SLAIN1: variants seen among roughly 807,000 people sequenced by gnomAD.
SLAIN1 encodes the protein SLAIN motif-containing protein 1.
Under a neutral mutation model 55.4 loss-of-function variants are expected in SLAIN1, and 17 were observed. The observed-to-expected ratio is 0.31, with a 90% CI of 0.21 to 0.46. The LOEUF (loss-of-function observed/expected upper bound fraction) is 0.46. Ranked by LOEUF, SLAIN1 falls within the 20% of genes least tolerant of loss-of-function variation. The pLI is 1.00. For synonymous variants in SLAIN1, 348 were observed against 337.4 expected, an observed-to-expected ratio of 1.03 and a Z score of -0.35; for missense variants, 682 against 785.1, an observed-to-expected ratio of 0.87 and a Z score of 1.57.
At chr13:77,724,604 C>T (rs1393508647) in intron 2 of SLAIN1, among the ~76,000 whole-genome samples, 1 of 152,112 alleles carries the variant, frequency 6.6e-6, no homozygotes, top group Non-Finnish European at 1.5e-5. Context: ...TTAAGGGGGT[C>T]CTTTGTCAAT....
At chr13:77,712,169 T>C (rs2091158398) in intron 1 of SLAIN1, among the ~76,000 whole-genome samples, 1 of 152,160 alleles carries the variant, frequency 6.6e-6, no homozygotes. Context: ...AAGACAAAGA[T>C]GCCCTCTCTC....
At chr13:77,748,398 C>CTTTTTTTT (rs934265928) in intron 4 of SLAIN1, among the ~76,000 whole-genome samples, 5 of 79,566 alleles carry the variant, frequency 6.3e-5, no homozygotes, top group African/African-American at 1.6e-4. Context: ...TTCTCTAAAG[C>CTTTTTTTT]TTTTTTTTTT....
At position 77,719,441 on chromosome 13, in the gene SLAIN1, T is replaced by C. The variant is rs140428549; in HGVS notation, c.627-91T>C. 280 of 879,986 alleles carry C rather than the reference T, an allele frequency of 3.2e-4. 3 individuals are homozygous for C. The African/African-American group carries it at 3.9e-3, about 12-fold the overall frequency. The allele number at this position is 879,986 out of a possible 1,614,324, so 54.5% of individuals were successfully genotyped here. A position where few individuals can be genotyped will look rare whatever the true frequency, so the allele number is the denominator to read the frequency against. ...TCATCAAATATGAGTTCTGTTTCTA[T>C]GGAAATTGTTAAATACATGTTGCTT... is the stretch of plus-strand genomic sequence containing the variant. On this transcript the variant is annotated intron_variant, in intron 1 of 6. Coordinates refer to ENST00000418532, the MANE Select transcript of SLAIN1 (RefSeq NM_001242868.2).
At chr13:77,718,059 T>C (rs1397767056) in intron 1 of SLAIN1, among the ~76,000 whole-genome samples, 1 of 151,802 alleles carries the variant, frequency 6.6e-6, no homozygotes, top group East Asian at 1.9e-4. Context: ...TAACTATATA[T>C]ACTCTTGATG....
intron 1 of SLAIN1, chr13:77,699,045 T>C: frequency 6.5e-7 from 1 of 1,535,414 alleles, no homozygotes; most frequent in Non-Finnish European, 8.7e-7. Context: ...GATGGATCTC[T>C]CTTTATAGAG....
intron 1 of SLAIN1, among the ~76,000 whole-genome samples, chr13:77,707,320 A>T (rs2091100039): frequency 6.6e-6 from 1 of 152,064 alleles, no homozygotes; most frequent in African/African-American, 2.4e-5. Context: ...CCCAAGCATG[A>T]ATAAACTGTT....
chr13:77,733,404 A>G (rs1457654821), intron 2 of SLAIN1, among the ~76,000 whole-genome samples: 2 of 152,162 alleles, frequency 1.3e-5, no homozygotes, highest in Non-Finnish European at 2.9e-5. Context: ...ATTTTGAGTA[A>G]AATTGGAAGT....
At chr13:77,705,295 A>G (rs969296284) in intron 1 of SLAIN1, among the ~76,000 whole-genome samples, 2 of 151,904 alleles carry the variant, frequency 1.3e-5, no homozygotes, top group African/African-American at 4.8e-5. Flanking sequence ...AAGGGGTTCT[A>G]TGAGAAGGAT....
intron 2 of SLAIN1, among the ~76,000 whole-genome samples, chr13:77,729,948 A>G (rs1382987114): frequency 6.6e-6 from 1 of 151,942 alleles, no homozygotes; most frequent in Non-Finnish European, 1.5e-5. Context: ...CGTCCATCCA[A>G]CGGGAGGAGG....
intron 2 of SLAIN1, among the ~76,000 whole-genome samples, chr13:77,721,144 C>T (rs929590043): frequency 6.6e-6 from 1 of 152,080 alleles, no homozygotes; most frequent in African/African-American, 2.4e-5. Context: ...ATCATGGGGG[C>T]GGTTTCCCCC....
chr13:77,718,987 A>G (rs1279443), intron 1 of SLAIN1, among the ~76,000 whole-genome samples: 25,478 of 152,084 alleles, frequency 0.17, 2,518 homozygotes, highest in African/African-American at 0.29. Context: ...TGAAAAAGAA[A>G]CATATACCAA....
At position 77,743,130 on chromosome 13, in the gene SLAIN1, C is replaced by T. The variant is rs527455810; in HGVS notation, c.767-1153C>T. 45 of 1,302,742 alleles carry T rather than the reference C, an allele frequency of 3.5e-5. 2 individuals carry two copies. The South Asian group carries it at 5.3e-4, about 15-fold the overall frequency. The allele number at this position is 1,302,742 out of a possible 1,614,324, so 80.7% of individuals were successfully genotyped here. On this transcript the variant is annotated intron_variant, in intron 2 of 6. Coordinates refer to ENST00000418532, the MANE Select transcript of SLAIN1 (RefSeq NM_001242868.2). Reference sequence around the variant, plus strand: ...ATTAATACTCCCAGCTTCTCTAAAACCTCAAATAAAGCAATACTAACACCT... The same window carrying T: ...ATTAATACTCCCAGCTTCTCTAAAATCTCAAATAAAGCAATACTAACACCT...
rs143517307 is a variant in SLAIN1 at position 77,711,888 on chromosome 13, G to A, written c.627-7644G>A. Among the ~76,000 whole-genome samples the A allele has an allele frequency of 5.8e-3, 882 of 152,230 alleles. 19 individuals are homozygous for A. The highest frequency in any genetic ancestry group is 0.038 in the Admixed American group (584 of 15,278). ...AAAGCTTATCCACCACGGTCAAGTC[G>A]GCTTCATCCCCGGGATGCAGGGCTG... On this transcript the variant is annotated intron_variant, in intron 1 of 6. Transcript: ENST00000418532.
At chr13:77,708,437 A>G (rs1247315926) in intron 1 of SLAIN1, among the ~76,000 whole-genome samples, 2 of 152,174 alleles carry the variant, frequency 1.3e-5, no homozygotes, top group Admixed American at 1.3e-4. Context: ...GAGGGATTTG[A>G]AAACAACAGG....
intron 2 of SLAIN1, among the ~76,000 whole-genome samples, chr13:77,732,218 T>C (rs1444314249): frequency 6.6e-6 from 1 of 152,136 alleles, no homozygotes; most frequent in Admixed American, 6.6e-5. Flanking sequence ...CACTCTTCCA[T>C]TCAATAACTG....
intron 1 of SLAIN1, among the ~76,000 whole-genome samples, chr13:77,706,780 C>T (rs913043090): frequency 6.6e-6 from 1 of 152,156 alleles, no homozygotes; most frequent in East Asian, 1.9e-4. Flanking sequence ...TGTCATTGTT[C>T]TGCCCTTACA....
At chr13:77,720,811 C>T (rs996081791) in intron 2 of SLAIN1, among the ~76,000 whole-genome samples, 1 of 152,126 alleles carries the variant, frequency 6.6e-6, no homozygotes, top group Non-Finnish European at 1.5e-5. Context: ...TAAATATCAA[C>T]AGAAATCTGT....
At chr13:77,741,842 A>AT (rs1873466564) in intron 2 of SLAIN1, among the ~76,000 whole-genome samples, 2 of 151,706 alleles carry the variant, frequency 1.3e-5, no homozygotes, top group Non-Finnish European at 2.9e-5. Flanking sequence ...GTCTGGGGGC[A>AT]TGCATTTCAA....
chr13:77,737,337 G>A (rs1198850602), intron 2 of SLAIN1, among the ~76,000 whole-genome samples: 1 of 151,854 alleles, frequency 6.6e-6, no homozygotes. Context: ...CTCTTAACTG[G>A]TCTCCCAGAC....
Sources: allele counts gnomAD v4.1 joint callset (sites outside exome capture counted in the v4.1 genomes callset), GRCh38; gene constraint gnomAD v4.1.1; transcripts MANE v1.5; gene names NCBI Gene and HGNC (gene_info 2026-07-23, HGNC 2026-07-21).